NLRC5: variants seen among roughly 807,000 people sequenced by gnomAD.
NLRC5 encodes NLR family CARD domain containing 5, also known as protein NLRC5.
A neutral mutation model predicts 206.9 loss-of-function variants in NLRC5; 114 were observed. The ratio of observed to expected loss-of-function variants is 0.55; its 90% confidence interval spans 0.47 to 0.64. The LOEUF (loss-of-function observed/expected upper bound fraction) is 0.64, where lower values mean the gene tolerates loss of function less well. Ranked by LOEUF, NLRC5 falls within the 30% of genes least tolerant of loss-of-function variation. The pLI, the probability that NLRC5 is intolerant of heterozygous loss-of-function variation, is 0.00. For synonymous variants in NLRC5, 952 were observed against 962.8 expected (o/e 0.99, Z 0.21); for missense variants, 2,008 against 2,305.5 (o/e 0.87, Z 2.64).
At chr16:57,027,110 G>A in intron 6 of NLRC5, 92 bp downstream of exon 6, 1 of 1,419,216 alleles carries the variant, frequency 7.0e-7, no homozygotes, top group Non-Finnish European at 9.5e-7. Context: ...AAGAGGACTG[G>A]ATAAGAATCT....
rs762378200 is a variant in NLRC5 at position 57,027,034 on chromosome 16, G to A, written c.2075+16G>A. The A allele has an allele frequency of 1.2e-6, 2 of 1,603,120 alleles. No homozygotes were observed. The highest frequency in any genetic ancestry group is 1.7e-6 in the Non-Finnish European group (2 of 1,173,304). ...AGAATCTCAGGTGAGTAAGAGTGGAGGAGGACCGGGGAGGGGATTGGGCTT... is the reference window on the plus strand; with the variant it reads ...AGAATCTCAGGTGAGTAAGAGTGGAAGAGGACCGGGGAGGGGATTGGGCTT... On this transcript the variant is annotated intron_variant, in intron 6 of 48. Coordinates refer to ENST00000688547, the MANE Select transcript of NLRC5 (RefSeq NM_001384950.1).
chr16:57,081,290 A>G, intron 47 of NLRC5, 109 bp downstream of exon 47: 2 of 1,146,084 alleles, frequency 1.7e-6, no homozygotes, highest in Non-Finnish European at 2.5e-6. Context: ...CCCTTCCTTG[A>G]GTTGCACACT....
rs980427759 is a variant in NLRC5 at position 57,039,971 on chromosome 16, C to T, written c.2870+122C>T. ...TGACCTGGACAAATTCACGGAAGAG[C>T]GGGAAGTGAGCAGGCTTGGCAAAGG... On this transcript the variant is annotated intron_variant, in intron 16 of 48. Coordinates refer to ENST00000688547, the MANE Select transcript of NLRC5 (RefSeq NM_001384950.1). 4.9e-5 allele frequency: 43 copies of T among 882,236 alleles called. No individual in the cohort carries two copies. In the Middle Eastern group the frequency reaches 1.0e-3, roughly 20 times the overall value. The allele number at this position is 882,236 out of a possible 1,614,324, so 54.7% of individuals were successfully genotyped here.
intron 19 of NLRC5, 33 bp downstream of exon 19, chr16:57,042,098 TGGGGC>T: frequency 7.1e-7 from 1 of 1,404,626 alleles, no homozygotes. Flanking sequence ...CCTCTGAGGC[TGGGGC>T]AGGGGGGGAG....
At chr16:56,995,215 G>A (rs1451726289) in intron 1 of NLRC5, among the ~76,000 whole-genome samples, 2 of 152,164 alleles carry the variant, frequency 1.3e-5, no homozygotes, top group Non-Finnish European at 1.5e-5. Context: ...GGAGCCCTCA[G>A]CTAGAGGAGT....
At chr16:57,051,266 T>C in intron 23 of NLRC5, among the ~76,000 whole-genome samples, 1 of 152,226 alleles carries the variant, frequency 6.6e-6, no homozygotes, top group East Asian at 1.9e-4. Context: ...TGTAGCTCCT[T>C]GGAAATTCAT....
intron 23 of NLRC5, among the ~76,000 whole-genome samples, chr16:57,049,773 G>T (rs540470590): frequency 6.7e-6 from 1 of 148,844 alleles, no homozygotes; most frequent in Non-Finnish European, 1.5e-5. Context: ...AATAAATAAA[G>T]CCCACTGGCA....
chr16:57,058,876 T>G, intron 28 of NLRC5, 96 bp from the exon 29 acceptor site: 1 of 1,059,684 alleles, frequency 9.4e-7, no homozygotes. Context: ...GCTTCTCTTC[T>G]TGGAAATGAC....
At chr16:57,004,972 A>G (rs766644207) in intron 1 of NLRC5, among the ~76,000 whole-genome samples, 3 of 151,268 alleles carry the variant, frequency 2.0e-5, no homozygotes, top group Non-Finnish European at 4.4e-5. Context: ...CAGGACTGCA[A>G]CTCCACGTGT....
rs112054390 is a variant in NLRC5, at chr16:57,006,612, C to A, written c.-127-10462C>A. Among the ~76,000 whole-genome samples the A allele has an allele frequency of 4.9e-3, 742 of 151,870 alleles. 7 individuals are homozygous for A. Among genetic ancestry groups the A allele is most frequent in the African/African-American group, 0.017 (709 of 41,452 alleles). ...TTGTATAGATGTGCCATAATTTAAT[C>A]ATAATATGTCCTCTTTGATCATTTA... On this transcript the variant is annotated intron_variant, in intron 1 of 48. Coordinates refer to ENST00000688547, the MANE Select transcript of NLRC5 (RefSeq NM_001384950.1).
chr16:57,039,771 G>T lies in NLRC5; in HGVS notation c.2802-10G>T. 1.2e-6 allele frequency: 2 copies of T among 1,613,716 alleles called. 1 individual carries two copies. The highest frequency in any genetic ancestry group is 2.2e-5 in the South Asian group (2 of 91,068). ...CCTCTCGCTTCCTCACCCCTCTTTT[G>T]TCTTCACAGCCTGCAGCACAAAACT... On this transcript the variant is annotated splice_polypyrimidine_tract_variant and intron_variant, in intron 15 of 48. Coordinates refer to ENST00000688547, the MANE Select transcript of NLRC5 (RefSeq NM_001384950.1).
chr16:57,071,902 G>A (rs1479756945), intron 38 of NLRC5, among the ~76,000 whole-genome samples: 1 of 151,952 alleles, frequency 6.6e-6, no homozygotes, highest in Non-Finnish European at 1.5e-5. Context: ...AGGAACCTTT[G>A]CATGTTTTGT....
intron 1 of NLRC5, among the ~76,000 whole-genome samples, chr16:57,009,694 G>T (rs2059296246): frequency 6.6e-6 from 1 of 152,192 alleles, no homozygotes. Context: ...ATTGCCAAAT[G>T]TTCATTTTTA....
intron 1 of NLRC5, among the ~76,000 whole-genome samples, chr16:57,003,077 G>GTTT (rs77896192): frequency 6.6e-6 from 1 of 151,272 alleles, no homozygotes; most frequent in African/African-American, 2.4e-5. Context: ...TTGTTTGTTT[G>GTTT]GAGATGAAGT....
intron 17 of NLRC5, 107 bp from the exon 18 acceptor site, chr16:57,041,378 C>T: frequency 1.1e-6 from 1 of 873,584 alleles, no homozygotes; most frequent in Admixed American, 2.3e-5. Context: ...AGTCCCTCCT[C>T]TCCTGCAAGC....
intron 1 of NLRC5, among the ~76,000 whole-genome samples, chr16:56,992,647 T>G (rs2057048044): frequency 6.6e-6 from 1 of 151,936 alleles, no homozygotes; most frequent in Admixed American, 6.6e-5. Flanking sequence ...CAGCTAGTTT[T>G]TGTATTTTTA....
intron 21 of NLRC5, 62 bp downstream of exon 21, chr16:57,045,554 G>T: frequency 6.5e-7 from 1 of 1,532,952 alleles, no homozygotes; most frequent in South Asian, 1.1e-5. Flanking sequence ...TCTGTTGGAG[G>T]TCCCCCCACC....
At chr16:57,066,511 G>A (rs747898500) in intron 33 of NLRC5, 23 bp from the exon 34 acceptor site, 8 of 1,612,910 alleles carry the variant, frequency 5.0e-6, no homozygotes, top group African/African-American at 2.7e-5. Flanking sequence ...CCGACCTCAC[G>A]TTGGTTACTG....
intron 17 of NLRC5, 134 bp downstream of exon 17, chr16:57,040,852 T>G (rs2063191216): frequency 1.2e-6 from 1 of 837,102 alleles, no homozygotes; most frequent in African/African-American, 1.7e-5. Flanking sequence ...CCAGGGGTCA[T>G]GGCCTGGCTT....
Sources: gnomAD v4.1 joint callset for allele counts (sites outside exome capture counted in the v4.1 genomes callset) on GRCh38, gnomAD v4.1.1 for gene constraint, MANE v1.5 for transcripts, NCBI Gene and HGNC (gene_info 2026-07-23, HGNC 2026-07-21) for gene names.